NOL4: variants seen among roughly 807,000 people sequenced by gnomAD.
NOL4 encodes the protein cancer/testis antigen 125.
NOL4 carries 17 observed loss-of-function variants against 75.9 expected under a neutral mutation model. The ratio of observed to expected loss-of-function variants is 0.22; its 90% CI spans 0.15 to 0.34. The LOEUF is 0.34. NOL4 is among the 10% of genes least tolerant of loss of function. The pLI, the probability that NOL4 is intolerant of heterozygous loss-of-function variation, is 1.00. For missense variants in NOL4, 614 were observed against 793.5 expected (o/e 0.77, Z 2.72); for synonymous variants, 292 against 289.9 (o/e 1.01, Z -0.07).
intron 10 of NOL4, among the ~76,000 whole-genome samples, chr18:33,865,855 C>T (rs1599672956): frequency 6.6e-6 from 1 of 152,124 alleles, no homozygotes; most frequent in Non-Finnish European, 1.5e-5. Context: ...ATTAAGTTTA[C>T]ACTTCTCTAT....
At chr18:34,071,087 G>T (rs1266909163) in intron 5 of NOL4, among the ~76,000 whole-genome samples, 1 of 152,114 alleles carries the variant, frequency 6.6e-6, no homozygotes, top group African/African-American at 2.4e-5. Context: ...GTAACTAAAA[G>T]AGAAGATTCT....
intron 5 of NOL4, among the ~76,000 whole-genome samples, chr18:34,047,236 G>A (rs993134223): frequency 1.4e-4 from 22 of 152,086 alleles, no homozygotes; most frequent in Non-Finnish European, 2.6e-4. Flanking sequence ...TGTCTATTCT[G>A]AGAAATTAAA....
At chr18:34,194,622 A>G (rs906005244) in intron 1 of NOL4, among the ~76,000 whole-genome samples, 2 of 152,120 alleles carry the variant, frequency 1.3e-5, no homozygotes, top group African/African-American at 4.8e-5. Context: ...ATGTTTACAC[A>G]TTGTTTCATC....
At chr18:34,015,339 G>A (rs948225407) in intron 6 of NOL4, among the ~76,000 whole-genome samples, 1 of 151,862 alleles carries the variant, frequency 6.6e-6, no homozygotes, top group East Asian at 1.9e-4. Context: ...TGTTTCTTCT[G>A]CCATGTGATT....
At chr18:33,962,991 T>A (rs1034310916) in intron 6 of NOL4, among the ~76,000 whole-genome samples, 3 of 152,180 alleles carry the variant, frequency 2.0e-5, no homozygotes, top group African/African-American at 7.2e-5. Flanking sequence ...CAAAACAAAC[T>A]GAAATTTTTA....
At chr18:33,963,327 T>C (rs2145792691) in intron 6 of NOL4, among the ~76,000 whole-genome samples, 1 of 152,304 alleles carries the variant, frequency 6.6e-6, no homozygotes, top group Admixed American at 6.5e-5. Context: ...CTTTTTTCTA[T>C]AAAACTATTT....
rs542021042 is a variant in NOL4, at chr18:34,059,073, C to CA, written c.772+34391dup. ...TTGAAATTCAAACCCTTTATCATGA[C>CA]AAAAAATGTTAAAAATCACACATAT... is the stretch of plus-strand genomic sequence containing the variant. On this transcript the variant is annotated intron_variant, in intron 5 of 10. Coordinates refer to ENST00000261592, the MANE Select transcript of NOL4 (RefSeq NM_003787.5). 3.2e-3 allele frequency among the ~76,000 whole-genome samples: 454 copies of CA among 142,702 alleles called. 3 individuals carry two copies. Among genetic ancestry groups the CA allele is most frequent in the Middle Eastern group, 0.019 (5 of 260 alleles). 93.6% of individuals were successfully genotyped at this position (142,702 alleles called of 152,430 possible).
intron 9 of NOL4, among the ~76,000 whole-genome samples, chr18:33,933,395 AAAGAC>A (rs1268489818): frequency 6.6e-6 from 1 of 152,158 alleles, no homozygotes; most frequent in Non-Finnish European, 1.5e-5. Flanking sequence ...TTTCTTAAAT[AAAGAC>A]AAGAATGAGG....
intron 9 of NOL4, among the ~76,000 whole-genome samples, chr18:33,899,646 A>G (rs889009672): frequency 3.3e-5 from 5 of 152,148 alleles, no homozygotes; most frequent in Admixed American, 6.6e-5. Flanking sequence ...AAAAATCTCT[A>G]TGAGTGAATG....
intron 8 of NOL4, among the ~76,000 whole-genome samples, chr18:33,954,322 T>A (rs940521866): frequency 8.5e-5 from 13 of 152,118 alleles, no homozygotes; most frequent in Admixed American, 8.5e-4. Flanking sequence ...GTTGATTGAA[T>A]CCATAGATGC....
At chr18:34,134,128 T>C (rs1023397840) in intron 1 of NOL4, among the ~76,000 whole-genome samples, 2 of 152,108 alleles carry the variant, frequency 1.3e-5, no homozygotes, top group Non-Finnish European at 2.9e-5. Flanking sequence ...TTAACATATA[T>C]AGATGTTTTA....
chr18:33,996,537 T>G (rs1253856538), intron 6 of NOL4, among the ~76,000 whole-genome samples: 1 of 151,812 alleles, frequency 6.6e-6, no homozygotes, highest in Non-Finnish European at 1.5e-5. Flanking sequence ...GTAGTGAGCA[T>G]AGTATCCAAT....
In NOL4 at chr18:34,055,936, T is replaced by C. The variant is rs573249371; in HGVS notation, c.773-36335A>G. On this transcript the variant is annotated intron_variant, in intron 5 of 10. Transcript: ENST00000261592. ...TTTCAATTCAGCAATTCAGTTATTATATTTTTCAGCTCCAGAATTTCTATA... is the reference window on the plus strand; with the variant it reads ...TTTCAATTCAGCAATTCAGTTATTACATTTTTCAGCTCCAGAATTTCTATA... 2.2e-3 allele frequency among the ~76,000 whole-genome samples: 340 copies of C among 152,258 alleles called. 4 individuals carry two copies. Among genetic ancestry groups the C allele is most frequent in the African/African-American group, 7.8e-3 (324 of 41,564 alleles).
intron 10 of NOL4, among the ~76,000 whole-genome samples, chr18:33,862,941 A>C (rs886996131): frequency 1.2e-4 from 18 of 152,226 alleles, no homozygotes; most frequent in African/African-American, 4.3e-4. Context: ...AAAGGACGAT[A>C]AATCATGCTG....
At chr18:33,867,170 G>C (rs1219398454) in intron 10 of NOL4, among the ~76,000 whole-genome samples, 1 of 152,084 alleles carries the variant, frequency 6.6e-6, no homozygotes, top group Admixed American at 6.6e-5. Flanking sequence ...ACATAGCTTG[G>C]AAGTTTCTAC....
chr18:33,854,465 G>A (rs1206825371), intron 10 of NOL4, among the ~76,000 whole-genome samples: 3 of 152,080 alleles, frequency 2.0e-5, no homozygotes, highest in South Asian at 4.1e-4. Context: ...AGACTGACAC[G>A]ACAAGCTGGA....
At chr18:33,884,321 G>A (rs1166446099) in intron 9 of NOL4, among the ~76,000 whole-genome samples, 1 of 151,666 alleles carries the variant, frequency 6.6e-6, no homozygotes, top group Non-Finnish European at 1.5e-5. Context: ...TTTGAGTGCC[G>A]ACTCCAAGCT....
intron 5 of NOL4, among the ~76,000 whole-genome samples, chr18:34,083,698 G>C (rs989211151): frequency 5.3e-5 from 8 of 152,150 alleles, no homozygotes; most frequent in Admixed American, 4.6e-4. Flanking sequence ...CAATATTTAT[G>C]GCTGAGAGGT....
intron 6 of NOL4, among the ~76,000 whole-genome samples, chr18:34,011,007 G>T (rs970325092): frequency 1.3e-4 from 19 of 151,698 alleles, no homozygotes; most frequent in Admixed American, 2.6e-4. Context: ...GAATGAAAAA[G>T]ATCTAGTACC....
Sources: gnomAD v4.1 joint callset for allele counts (sites outside exome capture counted in the v4.1 genomes callset) on GRCh38, gnomAD v4.1.1 for gene constraint, MANE v1.5 for transcripts, NCBI Gene and HGNC (gene_info 2026-07-23, HGNC 2026-07-21) for gene names.